The following ADAM11 variants were observed in gnomAD, a reference collection of about 807,000 sequenced individuals.
The protein encoded by ADAM11 is disintegrin and metalloproteinase domain-containing protein 11.
A neutral mutation model predicts 119.1 loss-of-function variants in ADAM11; 49 were observed. The observed-to-expected ratio is 0.41, with a 90% CI of 0.33 to 0.52. ADAM11 has a LOEUF of 0.52. ADAM11 is among the 20% of genes least tolerant of loss of function. The pLI is 0.20. For synonymous variants in ADAM11, 364 were observed against 408.0 expected (o/e 0.89, Z 1.30); for missense variants, 777 against 1,047.5 (o/e 0.74, Z 3.56).
At chr17:44,760,742 G>A (rs536785572) in intron 2 of ADAM11, among the ~76,000 whole-genome samples, 5 of 152,182 alleles carry the variant, frequency 3.3e-5, no homozygotes, top group Non-Finnish European at 5.9e-5. Flanking sequence ...TTTTGGCAGC[G>A]GGGAGTGGTG....
chr17:44,780,524 G>C lies in ADAM11; in HGVS notation c.*770G>C, dbSNP rs927369676. On this transcript the variant is annotated 3_prime_UTR_variant, in exon 27 of 27. Coordinates refer to ENST00000200557, the MANE Select transcript of ADAM11 (RefSeq NM_002390.6). Reference sequence around the variant, plus strand: ...CCAATTCGAAAACAACCGTCCTGCTGTCCCTGTCAGGACACATGGATTTTG... The same window carrying C: ...CCAATTCGAAAACAACCGTCCTGCTCTCCCTGTCAGGACACATGGATTTTG... The C allele has an allele frequency of 8.1e-6, 2 of 247,022 alleles. No individual in the cohort carries two copies. Among genetic ancestry groups the C allele is most frequent in the African/African-American group, 4.7e-5 (2 of 42,216 alleles). 15.3% of individuals were successfully genotyped at this position (247,022 alleles called of 1,614,324 possible).
rs1159643750 is a variant in ADAM11, at chr17:44,777,462, G to A, written c.1782-20G>A. On this transcript the variant is annotated intron_variant, in intron 21 of 26. Coordinates refer to ENST00000200557, the MANE Select transcript of ADAM11 (RefSeq NM_002390.6). The surrounding 1 kb of genome is among the most constrained non-coding windows in gnomAD (Gnocchi z 5.1). Reference sequence around the variant, plus strand: ...TCTGAGGTCAAACTTGGGGCTCACTGTCTCTATATGCCCCAACAGGGACGT... The same window carrying A: ...TCTGAGGTCAAACTTGGGGCTCACTATCTCTATATGCCCCAACAGGGACGT... The A allele has an allele frequency of 6.2e-7, 1 of 1,612,878 alleles. No individual in the cohort carries two copies. The highest frequency in any genetic ancestry group is 1.7e-5 in the Admixed American group (1 of 60,008).
Position 44,778,283 on chromosome 17 carries a change from G to A in ADAM11, c.2276+41G>A, listed in dbSNP as rs757442951. The A allele has an allele frequency of 7.6e-6, 12 of 1,570,358 alleles. No homozygotes were observed. In the East Asian group the frequency reaches 1.8e-4, roughly 24 times the overall value. ...ACCCTGTGCCCCCTGGCATCCTTGA[G>A]GGGGGATCAGAATCCCTACTGGTGG... On this transcript the variant is annotated intron_variant, in intron 25 of 26. Coordinates refer to ENST00000200557, the MANE Select transcript of ADAM11 (RefSeq NM_002390.6).
intron 12 of ADAM11, 51 bp from the exon 13 acceptor site, chr17:44,774,441 C>A: frequency 1.9e-6 from 3 of 1,594,226 alleles, no homozygotes; most frequent in Non-Finnish European, 2.6e-6. Flanking sequence ...AGGGGCACGA[C>A]GTGCCTGTTG....
Position 44,772,559 on chromosome 17 carries a change from A to G in ADAM11, c.678+93A>G. On this transcript the variant is annotated intron_variant, in intron 8 of 26. Coordinates refer to ENST00000200557, the MANE Select transcript of ADAM11 (RefSeq NM_002390.6). This position sits in a 1 kb window ranked among gnomAD's most constrained non-coding sequence, Gnocchi z 4.5. ...CCAGAGCAGGAGGGCACCCTCATCTATGGCTGGGGCGAAGGAAGGCTCAGA... is the reference window on the plus strand; with the variant it reads ...CCAGAGCAGGAGGGCACCCTCATCTGTGGCTGGGGCGAAGGAAGGCTCAGA... The G allele has an allele frequency of 6.9e-7, 1 of 1,446,962 alleles. No individual in the cohort carries two copies. Among genetic ancestry groups the G allele is most frequent in the East Asian group, 2.5e-5 (1 of 40,110 alleles). 89.6% of individuals were successfully genotyped at this position (1,446,962 alleles called of 1,614,324 possible).
In ADAM11 at chr17:44,772,981, G is replaced by T. The variant is rs751032823; in HGVS notation, c.754-33G>T. ...CGTGACACTGGGAGGCCCCTGAGGAGCCTGGCCCTCCTCCCATTCTTCTCT... is the reference window on the plus strand; with the variant it reads ...CGTGACACTGGGAGGCCCCTGAGGATCCTGGCCCTCCTCCCATTCTTCTCT... On this transcript the variant is annotated intron_variant, in intron 9 of 26. Coordinates refer to ENST00000200557, the MANE Select transcript of ADAM11 (RefSeq NM_002390.6). This position sits in a 1 kb window ranked among gnomAD's most constrained non-coding sequence, Gnocchi z 4.5. 6.8e-6 allele frequency: 11 copies of T among 1,614,040 alleles called. No homozygotes were observed. Among genetic ancestry groups the T allele is most frequent in the Non-Finnish European group, 9.3e-6 (11 of 1,179,940 alleles).
chr17:44,774,152 T>C (rs947310989), intron 11 of ADAM11, 143 bp from the exon 12 acceptor site: 2 of 504,724 alleles, frequency 4.0e-6, no homozygotes, highest in African/African-American at 4.0e-5. Context: ...GGGTCTTGCC[T>C]GGGGTCACCA....
chr17:44,775,599 G>T lies in ADAM11; in HGVS notation c.1408G>T (p.Gly470Cys). Residue 470 changes from glycine to cysteine, a missense_variant, in exon 17 of 27, where the codon GGT becomes TGT. Gly to Cys is a radical substitution (Grantham distance 159). This residue lies in a region of ADAM11 where 348 missense variants were observed against 486.7 expected (regional missense o/e 0.72). Transcript: ENST00000200557. The surrounding 1 kb of genome is among the most constrained non-coding windows in gnomAD (Gnocchi z 7.5). ...CGSVQECSRA[G>C]GNCCKKCTLT... ...CGTCCCTCAGGAGTGCAGCCGCGCA[G>T]GTGGCAACTGCTGCAAGAAATGCAC... 6.3e-7 allele frequency: 1 copy of T among 1,581,186 alleles called. No homozygotes were observed. Among genetic ancestry groups the T allele is most frequent in the Non-Finnish European group, 8.6e-7 (1 of 1,164,794 alleles).
At chr17:44,769,036 T>G (rs1250174457) in intron 2 of ADAM11, among the ~76,000 whole-genome samples, 2 of 152,140 alleles carry the variant, frequency 1.3e-5, no homozygotes, top group Non-Finnish European at 2.9e-5. Context: ...CTCTGAAAAA[T>G]TTATCAGGAA....
Position 44,780,080 on chromosome 17 carries a change from A to G in ADAM11, c.*326A>G. 1 of 656,334 alleles carries G rather than the reference A, an allele frequency of 1.5e-6. No individual in the cohort carries two copies. Among genetic ancestry groups the G allele is most frequent in the Non-Finnish European group, 2.8e-6 (1 of 354,610 alleles). The allele number at this position is 656,334 out of a possible 1,614,324, so 40.7% of individuals were successfully genotyped here. On this transcript the variant is annotated 3_prime_UTR_variant, in exon 27 of 27. Transcript: ENST00000200557. ...CGGGGGCGCCTGGAGGGATGCCCCC[A>G]GGCAGCCACCAGTGGACCTAGCCTG...
chr17:44,775,798 G>T lies in ADAM11; in HGVS notation c.1485+122G>T. ...TCGGGGACGAAGGCCTCTGGGGCAGGGCTTGATGCGAAGACAGCGCCAATG... is the reference window on the plus strand; with the variant it reads ...TCGGGGACGAAGGCCTCTGGGGCAGTGCTTGATGCGAAGACAGCGCCAATG... On this transcript the variant is annotated intron_variant, in intron 17 of 26. Transcript: ENST00000200557. The surrounding 1 kb of genome is among the most constrained non-coding windows in gnomAD (Gnocchi z 7.5). The T allele has an allele frequency of 9.6e-7, 1 of 1,042,892 alleles. No individual in the cohort carries two copies. Among genetic ancestry groups the T allele is most frequent in the East Asian group, 2.6e-5 (1 of 38,366 alleles). 64.6% of individuals were successfully genotyped at this position (1,042,892 alleles called of 1,614,324 possible).
At position 44,775,070 on chromosome 17, in the gene ADAM11, A is replaced by G; in HGVS notation, c.1221-142A>G. 3 of 767,610 alleles carry G rather than the reference A, an allele frequency of 3.9e-6. No homozygotes were observed. Among genetic ancestry groups the G allele is most frequent in the Middle Eastern group, 3.7e-4 (1 of 2,668 alleles). The allele number at this position is 767,610 out of a possible 1,614,324, so 47.5% of individuals were successfully genotyped here. A position where few individuals can be genotyped will look rare whatever the true frequency, so the allele number is the denominator to read the frequency against. ...GGGAGCGACAGGGACAGGCGGGAGG[A>G]TTCTGGTGCAATCCCGGGGCAGATC... On this transcript the variant is annotated intron_variant, in intron 14 of 26. Coordinates refer to ENST00000200557, the MANE Select transcript of ADAM11 (RefSeq NM_002390.6). This position sits in a 1 kb window ranked among gnomAD's most constrained non-coding sequence, Gnocchi z 7.5.
intron 2 of ADAM11, among the ~76,000 whole-genome samples, chr17:44,761,530 TCCA>T (rs2049389358): frequency 6.6e-6 from 1 of 151,976 alleles, no homozygotes; most frequent in Non-Finnish European, 1.5e-5. Flanking sequence ...GTGTATGTGA[TCCA>T]CCGATTCCAG....
At position 44,777,544 on chromosome 17, in the gene ADAM11, T is replaced by C; in HGVS notation, c.1844T>C (p.Leu615Pro). The C allele has an allele frequency of 6.2e-7, 1 of 1,614,164 alleles. No individual in the cohort carries two copies. Among genetic ancestry groups the C allele is most frequent in the Non-Finnish European group, 8.5e-7 (1 of 1,180,026 alleles). ...TCTGGAGCTCCTCGGCTAGGGGACCTGGTGGGAGACATCAGTAGTGTCACC... is the reference window on the plus strand; with the variant it reads ...TCTGGAGCTCCTCGGCTAGGGGACCCGGTGGGAGACATCAGTAGTGTCACC... ...NISGAPRLGD[L>P]VGDISSVTFY... The change falls in exon 22 of 27, where the codon CTG (leucine) becomes CCG (proline). Residue 615 changes from leucine (L) to proline (P), a missense_variant. By Grantham distance (98) the Leu-to-Pro change is moderately conservative. Transcript: ENST00000200557. The surrounding 1 kb of genome is among the most constrained non-coding windows in gnomAD (Gnocchi z 5.1).
rs2049495425 is a variant in ADAM11, at chr17:44,769,802, T to C, written c.314+8T>C. The C allele has an allele frequency of 6.2e-7, 1 of 1,613,718 alleles. No homozygotes were observed. The highest frequency in any genetic ancestry group is 1.3e-5 in the African/African-American group (1 of 75,006). On this transcript the variant is annotated splice_region_variant and intron_variant, in intron 3 of 26. Transcript: ENST00000200557. ...GGACCTGGAGCTGAACCAGTGAGTG[T>C]GGCCTTGAGCCCAAGAGGAAGGGCA...
rs2049580227 is a variant in ADAM11, at chr17:44,775,072, T to C, written c.1221-140T>C. On this transcript the variant is annotated intron_variant, in intron 14 of 26. Transcript: ENST00000200557. The surrounding 1 kb of genome is among the most constrained non-coding windows in gnomAD (Gnocchi z 7.5). ...GAGCGACAGGGACAGGCGGGAGGAT[T>C]CTGGTGCAATCCCGGGGCAGATCCT... The C allele has an allele frequency of 1.3e-6, 1 of 779,272 alleles. No homozygotes were observed. 48.3% of individuals were successfully genotyped at this position (779,272 alleles called of 1,614,324 possible).
At chr17:44,760,963 T>A (rs968722365) in intron 2 of ADAM11, among the ~76,000 whole-genome samples, 2 of 130,112 alleles carry the variant, frequency 1.5e-5, no homozygotes, top group African/African-American at 2.9e-5. Context: ...AGATGGACCA[T>A]CACTCAGGGC....
At position 44,768,353 on chromosome 17, in the gene ADAM11, C is replaced by T. The variant is rs947492036; in HGVS notation, c.238-1365C>T. Among the ~76,000 whole-genome samples the T allele has an allele frequency of 1.2e-4, 19 of 152,260 alleles. No homozygotes were observed. The East Asian group carries it at 2.1e-3, about 17-fold the overall frequency. ...ATAGGGTGAGTCGGTGTCCTTGGGG[C>T]GCAAAGGTCAGCCCACCCAGGCCCT... is the stretch of plus-strand genomic sequence containing the variant. On this transcript the variant is annotated intron_variant, in intron 2 of 26. Coordinates refer to ENST00000200557, the MANE Select transcript of ADAM11 (RefSeq NM_002390.6).
Position 44,776,325 on chromosome 17 carries a change from TC to T in ADAM11, c.1566+120del. The T allele has an allele frequency of 9.1e-7, 1 of 1,101,214 alleles. No homozygotes were observed. The highest frequency in any genetic ancestry group is 1.3e-6 in the Non-Finnish European group (1 of 746,082). The allele number at this position is 1,101,214 out of a possible 1,614,324, so 68.2% of individuals were successfully genotyped here. A position where few individuals can be genotyped will look rare whatever the true frequency, so the allele number is the denominator to read the frequency against. On this transcript the variant is annotated intron_variant, in intron 18 of 26. Transcript: ENST00000200557. The surrounding 1 kb of genome is among the most constrained non-coding windows in gnomAD (Gnocchi z 5.2). ...CTCCTCTCCACAGCTGGCATCGACCTCCACTGATCAGACTGTTTTCTTATCT... is the reference window on the plus strand; with the variant it reads ...CTCCTCTCCACAGCTGGCATCGACCTCACTGATCAGACTGTTTTCTTATCT...
Sources: gnomAD v4.1 joint callset for allele counts (sites outside exome capture counted in the v4.1 genomes callset) on GRCh38, gnomAD v4.1.1 for gene constraint, gnomAD v4.1.1 regional missense constraint, Gnocchi (gnomAD v3.1) non-coding constraint, MANE v1.5 for transcripts, NCBI Gene and HGNC (gene_info 2026-07-23, HGNC 2026-07-21) for gene names.